MANBA: variants seen among roughly 807,000 people sequenced by gnomAD.
MANBA encodes the protein beta-mannosidase.
In MANBA, 83 loss-of-function variants were observed where a neutral mutation model predicts 111.1. The observed-to-expected ratio is 0.75, with a 90% CI of 0.63 to 0.90. The LOEUF is 0.90. MANBA is among the 40% of genes least tolerant of loss of function. The pLI is 0.00. For synonymous variants in MANBA, 370 were observed against 378.7 expected, an observed-to-expected ratio of 0.98 and a Z score of 0.27; for missense variants, 1,036 against 1,069.0, an observed-to-expected ratio of 0.97 and a Z score of 0.43.
rs1422240055 is a variant in MANBA, at chr4:102,760,929, C to T, written c.-35G>A. 63 of 1,537,474 alleles carry T rather than the reference C, an allele frequency of 4.1e-5. No homozygotes were observed. Among genetic ancestry groups the T allele is most frequent in the Non-Finnish European group, 5.4e-5 (62 of 1,145,014 alleles). Reference sequence around the variant, plus strand: ...CCGCGCCACCGAGATGTGGAGAGATCGAAAGGCAGCGCTGCAAGGGACCGG... The same window carrying T: ...CCGCGCCACCGAGATGTGGAGAGATTGAAAGGCAGCGCTGCAAGGGACCGG... On this transcript the variant is annotated 5_prime_UTR_variant, in exon 1 of 17. Transcript: ENST00000647097.
At chr4:102,730,970 C>G (rs975996283) in intron 1 of MANBA, among the ~76,000 whole-genome samples, 1 of 152,058 alleles carries the variant, frequency 6.6e-6, no homozygotes, top group Non-Finnish European at 1.5e-5. Flanking sequence ...ACCTCTGTCC[C>G]CCTCCCCTTC....
chr4:102,650,946 G>A (rs1017985220), intron 12 of MANBA: 45 of 445,512 alleles, frequency 1.0e-4, no homozygotes, highest in African/African-American at 7.8e-4. Flanking sequence ...AACTAAGAAA[G>A]TTATATTTTG....
At chr4:102,750,394 G>A (rs1033640034) in intron 1 of MANBA, among the ~76,000 whole-genome samples, 2 of 151,494 alleles carry the variant, frequency 1.3e-5, no homozygotes, top group African/African-American at 4.9e-5. Context: ...AGATCTCTGT[G>A]GAAGGTTAGT....
In MANBA at chr4:102,728,686, C is replaced by T. The variant is rs1011872793; in HGVS notation, c.178-2003G>A. The T allele has an allele frequency of 1.5e-5, 9 of 596,244 alleles. No individual in the cohort carries two copies. In the African/African-American group the frequency reaches 1.7e-4, roughly 11 times the overall value. The allele number at this position is 596,244 out of a possible 1,614,324, so 36.9% of individuals were successfully genotyped here. On this transcript the variant is annotated intron_variant, in intron 1 of 16. Transcript: ENST00000647097. ...AGGTGGGTCTCACGTTCCCTGTGCT[C>T]CCTTCTGCTCTCTGGGAGAGTCGCA...
intron 8 of MANBA, among the ~76,000 whole-genome samples, chr4:102,673,208 A>G (rs1731570736): frequency 6.6e-6 from 1 of 152,180 alleles, no homozygotes; most frequent in South Asian, 2.1e-4. Context: ...ATACCTTAGC[A>G]TAGAAAGGTA....
intron 11 of MANBA, among the ~76,000 whole-genome samples, chr4:102,661,131 T>C (rs1730928926): frequency 6.6e-6 from 1 of 152,144 alleles, no homozygotes; most frequent in Non-Finnish European, 1.5e-5. Flanking sequence ...CTTTCACATC[T>C]TTTTACCTTT....
intron 12 of MANBA, among the ~76,000 whole-genome samples, chr4:102,655,735 G>A (rs1278895466): frequency 6.6e-6 from 1 of 152,116 alleles, no homozygotes; most frequent in African/African-American, 2.4e-5. Context: ...GCCATTTGGG[G>A]TGAGGCAATG....
chr4:102,717,786 G>A (rs559015840), intron 4 of MANBA, among the ~76,000 whole-genome samples: 1 of 152,332 alleles, frequency 6.6e-6, no homozygotes, highest in Non-Finnish European at 1.5e-5. Context: ...AGAACAATGG[G>A]AAGAGGCAGG....
intron 11 of MANBA, among the ~76,000 whole-genome samples, chr4:102,659,311 A>G (rs1285767922): frequency 6.6e-6 from 1 of 152,234 alleles, no homozygotes; most frequent in Non-Finnish European, 1.5e-5. Context: ...AAAACATATT[A>G]CAGAAGGCCA....
intron 12 of MANBA, among the ~76,000 whole-genome samples, chr4:102,654,793 C>T (rs982855205): frequency 2.6e-5 from 4 of 152,106 alleles, no homozygotes; most frequent in South Asian, 2.1e-4. Context: ...AAGGATATCT[C>T]GTCTTCCCAC....
intron 1 of MANBA, chr4:102,729,095 A>C (rs1409151689): frequency 4.0e-6 from 3 of 750,988 alleles, no homozygotes; most frequent in Admixed American, 3.5e-5. Context: ...GGCCTGCTGC[A>C]GGGCGGCCTC....
rs79274089 is a variant in MANBA at position 102,646,406 on chromosome 4, C to T, written c.1869+4131G>A. Among the ~76,000 whole-genome samples the T allele has an allele frequency of 2.2e-3, 340 of 152,174 alleles. 2 individuals are homozygous for T. The highest frequency in any genetic ancestry group is 7.9e-3 in the African/African-American group (329 of 41,526). On this transcript the variant is annotated intron_variant, in intron 13 of 16. Transcript: ENST00000647097. Reference sequence around the variant, plus strand: ...ATCAAAACCTGGGCCTACAGCATCACCTACCTTTTGTCCTAGTTCTTATGA... The same window carrying T: ...ATCAAAACCTGGGCCTACAGCATCATCTACCTTTTGTCCTAGTTCTTATGA...
chr4:102,704,336 C>T (rs904634513), intron 5 of MANBA, among the ~76,000 whole-genome samples: 2 of 152,094 alleles, frequency 1.3e-5, no homozygotes, highest in African/African-American at 4.8e-5. Flanking sequence ...TACCACCACA[C>T]ATGGCTAATT....
chr4:102,657,225 G>T (rs866223108), intron 12 of MANBA, among the ~76,000 whole-genome samples: 2 of 124,500 alleles, frequency 1.6e-5, no homozygotes, highest in East Asian at 5.8e-4. Flanking sequence ...AGTGGGGTGG[G>T]GGGGGGGTGG....
intron 5 of MANBA, among the ~76,000 whole-genome samples, chr4:102,709,283 AAAGGAAGGAAGGAAGG>A (rs141516317): frequency 5.1e-4 from 65 of 127,552 alleles, no homozygotes; most frequent in Non-Finnish European, 9.1e-4. Flanking sequence ...GAAAAGAAAG[AAAGGAAGGAAGGAAGG>A]AAGGAAGGAA....
At chr4:102,758,461 G>A (rs111706586) in intron 1 of MANBA, among the ~76,000 whole-genome samples, 2 of 152,168 alleles carry the variant, frequency 1.3e-5, no homozygotes, top group Non-Finnish European at 2.9e-5. Flanking sequence ...ACCAAAAAGG[G>A]ATGTTATAAT....
chr4:102,746,888 C>T (rs1175987101), intron 1 of MANBA, among the ~76,000 whole-genome samples: 2 of 151,058 alleles, frequency 1.3e-5, no homozygotes, highest in African/African-American at 4.9e-5. Context: ...GGCAGAATGC[C>T]GTGAACCCAG....
chr4:102,699,772 G>A (rs950362632), intron 5 of MANBA, among the ~76,000 whole-genome samples: 31 of 150,732 alleles, frequency 2.1e-4, no homozygotes, highest in African/African-American at 6.1e-4. Flanking sequence ...GTATTTTATT[G>A]AGGATTTTTG....
At chr4:102,737,044 C>T (rs1400621044) in intron 1 of MANBA, among the ~76,000 whole-genome samples, 1 of 152,072 alleles carries the variant, frequency 6.6e-6, no homozygotes, top group Non-Finnish European at 1.5e-5. Flanking sequence ...AGAAAAGAAG[C>T]ACCGGAAAGA....
Sources: allele counts gnomAD v4.1 joint callset (sites outside exome capture counted in the v4.1 genomes callset), GRCh38; gene constraint gnomAD v4.1.1; transcripts MANE v1.5; gene names NCBI Gene and HGNC (gene_info 2026-07-23, HGNC 2026-07-21).